SAMSN1: variants seen among roughly 807,000 people sequenced by gnomAD.
SAMSN1 encodes SAM domain-containing protein SAMSN-1.
Under a neutral mutation model 42.0 loss-of-function variants are expected in SAMSN1, and 31 were observed. That is an observed-to-expected ratio of 0.74 (90% CI 0.55 to 1.00). The LOEUF (loss-of-function observed/expected upper bound fraction) is 1.00, where lower values mean the gene tolerates loss of function less well. SAMSN1 is among the 50% of genes least tolerant of loss of function. The pLI is 0.00. For missense variants in SAMSN1, 464 were observed against 439.4 expected, an observed-to-expected ratio of 1.06 and a Z score of -0.50; for synonymous variants, 178 against 151.9, an observed-to-expected ratio of 1.17 and a Z score of -1.26.
chr21:14,644,391 C>A (rs748945021), intron 1 of SAMSN1, among the ~76,000 whole-genome samples: 25 of 152,032 alleles, frequency 1.6e-4, no homozygotes, highest in Non-Finnish European at 3.1e-4. Context: ...GGCCCTAGCT[C>A]CCAGATGACA....
In SAMSN1 at chr21:14,485,960, A is replaced by G. The variant is rs780147922; in HGVS notation, c.1074T>C (p.Asn358=). 6.2e-7 allele frequency: 1 copy of G among 1,613,754 alleles called. No homozygotes were observed. Among genetic ancestry groups the G allele is most frequent in the South Asian group, 1.1e-5 (1 of 91,070 alleles). Residue 358 remains asparagine (N), a synonymous_variant, in exon 8 of 8, where the codon AAT becomes AAC. Coordinates refer to ENST00000400566, the MANE Select transcript of SAMSN1 (RefSeq NM_022136.5). ...DNGKEDLESE[N]LSDMVHKIII... ...TAATCTTATGTACCATGTCAGACAGATTTTCAGACTCCAGATCCTCTTTGC... is the reference window on the plus strand; with the variant it reads ...TAATCTTATGTACCATGTCAGACAGGTTTTCAGACTCCAGATCCTCTTTGC...
At chr21:14,577,877 T>C (rs1981559291) in intron 2 of SAMSN1, among the ~76,000 whole-genome samples, 1 of 152,184 alleles carries the variant, frequency 6.6e-6, no homozygotes, top group African/African-American at 2.4e-5. Flanking sequence ...ATCAATTCCA[T>C]AATCACAAAT....
chr21:14,588,252 G>A (rs550618697), upstream of SAMSN1, among the ~76,000 whole-genome samples: 27 of 110,096 alleles, frequency 2.5e-4, no homozygotes, highest in South Asian at 6.9e-3. Context: ...AGTCCTTTGG[G>A]TATATACCCA....
intron 6 of SAMSN1, among the ~76,000 whole-genome samples, chr21:14,594,456 T>C (rs1461133371): frequency 1.3e-5 from 2 of 152,152 alleles, no homozygotes; most frequent in Non-Finnish European, 2.9e-5. Flanking sequence ...GAATGTTTTA[T>C]GAAGCAGCCC....
At chr21:14,572,322 T>G (rs1287600547) in intron 2 of SAMSN1, among the ~76,000 whole-genome samples, 1 of 152,138 alleles carries the variant, frequency 6.6e-6, no homozygotes, top group East Asian at 1.9e-4. Context: ...GATAAGAAAC[T>G]GAAACTCTGA....
At chr21:14,627,531 T>G (rs1444906275) in intron 2 of SAMSN1, among the ~76,000 whole-genome samples, 6 of 152,308 alleles carry the variant, frequency 3.9e-5, no homozygotes, top group Non-Finnish European at 8.8e-5. Flanking sequence ...GACTCCAAAC[T>G]GATCTAGAAT....
In SAMSN1 at chr21:14,494,578, G is replaced by A. The variant is rs573255972; in HGVS notation, c.919+3864C>T. On this transcript the variant is annotated intron_variant, in intron 7 of 7. Transcript: ENST00000400566. ...GTCAGGGGGTGGGGGGCTAGGGGAA[G>A]GATAGCATTAGGAGAAATACCTAAT... Among the ~76,000 whole-genome samples, 333 of 152,232 alleles carry A rather than the reference G, an allele frequency of 2.2e-3. 1 individual carries two copies. The highest frequency in any genetic ancestry group is 7.0e-3 in the African/African-American group (292 of 41,514).
At chr21:14,594,373 C>T (rs1037961141) in intron 6 of SAMSN1, among the ~76,000 whole-genome samples, 2 of 152,032 alleles carry the variant, frequency 1.3e-5, no homozygotes, top group Non-Finnish European at 2.9e-5. Flanking sequence ...TAGATTCACT[C>T]CTCAGCCCTC....
chr21:14,587,252 A>G (rs1981946041), upstream of SAMSN1, among the ~76,000 whole-genome samples: 1 of 152,142 alleles, frequency 6.6e-6, no homozygotes, highest in Non-Finnish European at 1.5e-5. Context: ...TGAACTATGT[A>G]TGCTTCCTTT....
chr21:14,591,312 CATTT>C (rs1982076898), intron 7 of SAMSN1: 1 of 152,054 alleles, frequency 6.6e-6, no homozygotes, highest in African/African-American at 2.4e-5. Flanking sequence ...TTTATTTATT[CATTT>C]ATCAGATGAG....
At chr21:14,549,928 C>CAAA (rs61616495), upstream of SAMSN1, among the ~76,000 whole-genome samples, 123 of 147,070 alleles carry the variant, frequency 8.4e-4, no homozygotes, top group East Asian at 5.5e-3. Flanking sequence ...CCTACAATAT[C>CAAA]AAAAAAAAAA....
intron 2 of SAMSN1, among the ~76,000 whole-genome samples, chr21:14,557,646 A>C (rs1342536554): frequency 6.6e-6 from 1 of 152,162 alleles, no homozygotes; most frequent in African/African-American, 2.4e-5. Context: ...TTCTGCTTTC[A>C]CTTAGATTTA....
chr21:14,611,735 C>A (rs1227818359), intron 4 of SAMSN1, among the ~76,000 whole-genome samples: 5 of 152,188 alleles, frequency 3.3e-5, no homozygotes, highest in Admixed American at 2.6e-4. Context: ...GATGCTACTG[C>A]TGGGAGAATT....
chr21:14,603,861 C>T (rs1300116471), intron 5 of SAMSN1, among the ~76,000 whole-genome samples: 1 of 152,218 alleles, frequency 6.6e-6, no homozygotes, highest in Non-Finnish European at 1.5e-5. Flanking sequence ...TCTGAGCTCT[C>T]TCAGTTGAAG....
chr21:14,617,559 C>G (rs1055075265), intron 2 of SAMSN1, among the ~76,000 whole-genome samples: 1 of 152,110 alleles, frequency 6.6e-6, no homozygotes. Context: ...GCAATCGGGA[C>G]CAAATATGTC....
intron 4 of SAMSN1, chr21:14,612,638 G>A: frequency 1.7e-6 from 1 of 579,056 alleles, no homozygotes; most frequent in East Asian, 3.9e-5. Context: ...CTACCAAAGA[G>A]GATTATTCTG....
intron 7 of SAMSN1, among the ~76,000 whole-genome samples, chr21:14,486,464 C>T (rs975108698): frequency 2.0e-5 from 3 of 152,074 alleles, no homozygotes; most frequent in African/African-American, 4.8e-5. Context: ...TGACTGATGC[C>T]TTGTCCAAAT....
chr21:14,612,049 A>G (rs1982722886), intron 4 of SAMSN1, among the ~76,000 whole-genome samples: 1 of 152,176 alleles, frequency 6.6e-6, no homozygotes, highest in Non-Finnish European at 1.5e-5. Context: ...CCTGGCCAAC[A>G]CAGTGAAACC....
intron 1 of SAMSN1, among the ~76,000 whole-genome samples, chr21:14,656,870 C>A (rs1426579130): frequency 6.6e-6 from 1 of 151,792 alleles, no homozygotes; most frequent in Non-Finnish European, 1.5e-5. Flanking sequence ...TTTAAAATCA[C>A]CTGCTTCCCA....
Sources: allele counts gnomAD v4.1 joint callset (sites outside exome capture counted in the v4.1 genomes callset), GRCh38; gene constraint gnomAD v4.1.1; transcripts MANE v1.5; gene names NCBI Gene and HGNC (gene_info 2026-07-23, HGNC 2026-07-21).